Variants in TMEM232 observed in about 807,000 individuals in gnomAD.
TMEM232 encodes the protein transmembrane protein 232.
TMEM232 carries 80 observed loss-of-function variants against 78.8 expected under a neutral mutation model. The observed-to-expected ratio is 1.01, with a 90% CI of 0.85 to 1.22. The LOEUF is 1.22. Ranked by LOEUF, TMEM232 falls within the 50% of genes most tolerant of loss-of-function variation. TMEM232 has a pLI of 0.00. For synonymous variants in TMEM232, 297 were observed against 254.3 expected (o/e 1.17, Z -1.60); for missense variants, 881 against 742.2 (o/e 1.19, Z -2.17).
intron 12 of TMEM232, among the ~76,000 whole-genome samples, chr5:110,490,321 A>G (rs1764948592): frequency 6.6e-6 from 1 of 152,152 alleles, no homozygotes. Flanking sequence ...GAGAAGTACA[A>G]GACTTATACA....
At chr5:110,445,790 C>CT (rs1020181869) in intron 12 of TMEM232, among the ~76,000 whole-genome samples, 32 of 151,986 alleles carry the variant, frequency 2.1e-4, no homozygotes, top group South Asian at 8.3e-4. Flanking sequence ...AAAGACATGA[C>CT]TTTTTTTGCC....
At chr5:110,461,877 CTACTGTT>C (rs1466762263) in intron 12 of TMEM232, among the ~76,000 whole-genome samples, 4 of 152,084 alleles carry the variant, frequency 2.6e-5, no homozygotes, top group Admixed American at 2.0e-4. Context: ...ATTTTAGGAA[CTACTGTT>C]CCTAAAAAAA....
intron 11 of TMEM232, among the ~76,000 whole-genome samples, chr5:110,560,995 A>G (rs570523678): frequency 1.3e-5 from 2 of 152,334 alleles, no homozygotes; most frequent in South Asian, 4.1e-4. Context: ...ACTATAGCAG[A>G]ATAAAACGTA....
At chr5:110,559,456 T>A (rs569877474) in intron 11 of TMEM232, among the ~76,000 whole-genome samples, 1 of 152,134 alleles carries the variant, frequency 6.6e-6, no homozygotes, top group South Asian at 2.1e-4. Context: ...CTGGTTTATT[T>A]TATATATATA....
At chr5:110,601,718 G>A (rs925419822) in intron 10 of TMEM232, among the ~76,000 whole-genome samples, 2 of 152,084 alleles carry the variant, frequency 1.3e-5, no homozygotes, top group Non-Finnish European at 2.9e-5. Flanking sequence ...TGGCAATACT[G>A]CCCAAATTAA....
chr5:110,421,561 C>G (rs1179481108), intron 13 of TMEM232, among the ~76,000 whole-genome samples: 2 of 151,394 alleles, frequency 1.3e-5, no homozygotes, highest in African/African-American at 4.9e-5. Flanking sequence ...ATTGGACATT[C>G]CTAAAGATAC....
intron 13 of TMEM232, 137 bp from the exon 14 acceptor site, chr5:110,420,893 C>T (rs754461183): frequency 2.5e-5 from 30 of 1,182,876 alleles, no homozygotes; most frequent in Non-Finnish European, 3.0e-5. Context: ...AATTTTATAT[C>T]TACCACACTG....
intron 10 of TMEM232, among the ~76,000 whole-genome samples, chr5:110,587,663 GTA>G (rs377139293): frequency 0.022 from 2,098 of 96,056 alleles, 31 homozygotes; most frequent in South Asian, 0.044. Flanking sequence ...GTACATGTAT[GTA>G]TATATATATA....
intron 2 of TMEM232, among the ~76,000 whole-genome samples, chr5:110,644,465 C>G (rs1235803214): frequency 6.6e-6 from 1 of 151,780 alleles, no homozygotes; most frequent in Non-Finnish European, 1.5e-5. Context: ...TAATAGATTG[C>G]TTCCCAACAT....
At chr5:110,418,541 TC>T (rs1249599786), downstream of TMEM232, among the ~76,000 whole-genome samples, 1 of 152,154 alleles carries the variant, frequency 6.6e-6, no homozygotes, top group Non-Finnish European at 1.5e-5. Flanking sequence ...CTCCTTTTCT[TC>T]CTTTCTCTAT....
At chr5:110,648,291 A>G (rs1033964879) in intron 2 of TMEM232, among the ~76,000 whole-genome samples, 1 of 152,094 alleles carries the variant, frequency 6.6e-6, no homozygotes, top group Non-Finnish European at 1.5e-5. Context: ...AATTCTCACA[A>G]ACTGCGTGTG....
chr5:110,685,092 T>TA (rs1793229315), intron 1 of TMEM232, among the ~76,000 whole-genome samples: 2 of 151,800 alleles, frequency 1.3e-5, no homozygotes, highest in South Asian at 2.1e-4. Flanking sequence ...TATTGGGAAA[T>TA]AAAAAACACT....
At chr5:110,638,536 T>G (rs1225522122) in intron 4 of TMEM232, among the ~76,000 whole-genome samples, 181 bp from the exon 5 acceptor site, 1 of 152,202 alleles carries the variant, frequency 6.6e-6, no homozygotes, top group Non-Finnish European at 1.5e-5. Context: ...CTCTTCTCCT[T>G]AAACTTGAGC....
At position 110,397,089 on chromosome 5, in the gene TMEM232, T is replaced by C. The variant is rs188787250; in HGVS notation, n.390+684A>G. ...AGAAAGACACTATCTTCCCGTTATT[T>C]ATATCCCATGCTGAAGAGGAAAACA... On this transcript the variant is annotated intron_variant and non_coding_transcript_variant, in intron 3 of 8. Coordinates refer to the TMEM232 transcript ENST00000507188. Among the ~76,000 whole-genome samples, 134 of 152,270 alleles carry C rather than the reference T, an allele frequency of 8.8e-4. 1 individual carries two copies. In the South Asian group the frequency reaches 0.012, roughly 14 times the overall value.
rs137976786 is a variant in TMEM232 at position 110,714,269 on chromosome 5, A to G, written c.-13+12358T>C. On this transcript the variant is annotated intron_variant, in intron 1 of 13. Coordinates refer to ENST00000455884, the MANE Select transcript of TMEM232 (RefSeq NM_001039763.4). ...CATCAGATAAAACAGGATATAATCA[A>G]TCATCTCCCTCCAGAGACTAGGACA... is the stretch of plus-strand genomic sequence containing the variant. Among the ~76,000 whole-genome samples the G allele has an allele frequency of 8.8e-3, 1,342 of 152,312 alleles. 21 individuals are homozygous for G. The highest frequency in any genetic ancestry group is 0.03 in the African/African-American group (1,247 of 41,562).
intron 12 of TMEM232, among the ~76,000 whole-genome samples, chr5:110,499,326 T>C (rs951968701): frequency 6.6e-6 from 1 of 152,166 alleles, no homozygotes; most frequent in Non-Finnish European, 1.5e-5. Context: ...AGAGTCTCAT[T>C]CTGACACCCC....
intron 3 of TMEM232, among the ~76,000 whole-genome samples, chr5:110,394,935 A>G (rs1020985911): frequency 3.3e-5 from 5 of 152,086 alleles, no homozygotes; most frequent in Admixed American, 6.6e-5. Context: ...AGCTTTCAGA[A>G]TGGTGAGGGA....
chr5:110,502,760 TG>T (rs1163453531), intron 12 of TMEM232, among the ~76,000 whole-genome samples: 1 of 152,170 alleles, frequency 6.6e-6, no homozygotes, highest in Non-Finnish European at 1.5e-5. Flanking sequence ...TTCCTTCATT[TG>T]GGCATTGTAC....
intron 1 of TMEM232, among the ~76,000 whole-genome samples, chr5:110,703,298 C>T (rs923496673): frequency 2.6e-5 from 4 of 151,938 alleles, no homozygotes; most frequent in Non-Finnish European, 5.9e-5. Flanking sequence ...TGGTATGGAC[C>T]CAACGACAGA....
Sources: gnomAD v4.1 joint callset for allele counts (sites outside exome capture counted in the v4.1 genomes callset) on GRCh38, gnomAD v4.1.1 for gene constraint, MANE v1.5 for transcripts, NCBI Gene and HGNC (gene_info 2026-07-23, HGNC 2026-07-21) for gene names.